RMP64: variants seen among roughly 807,000 people sequenced by gnomAD.
RMP64 encodes the protein ribonuclease MRP subunit p64, also known as nucleolus and neural progenitor protein.
At chr3:113,008,008 C>T in the RMP64 span, among the ~76,000 whole-genome samples, 1 of 152,192 alleles carries the variant, frequency 6.6e-6, no homozygotes, top group Non-Finnish European at 1.5e-5. Context: ...TACAGCTTTG[C>T]TCTTACAATA....
the RMP64 span, chr3:113,014,866 T>C: frequency 1.3e-5 from 2 of 152,208 alleles, no homozygotes; most frequent in Non-Finnish European, 2.9e-5. Flanking sequence ...TTTTCTCTTT[T>C]GAACCGCAGT....
chr3:113,012,761 A>G, the RMP64 span: 2 of 1,607,682 alleles, frequency 1.2e-6, no homozygotes, highest in South Asian at 1.1e-5. Context: ...CCCAACCATC[A>G]CAAGGTTTAA....
chr3:113,005,597 G>A, the RMP64 span: 6 of 1,613,742 alleles, frequency 3.7e-6, no homozygotes, highest in Non-Finnish European at 4.2e-6. Flanking sequence ...GGTTCCTGAT[G>A]TACTGTTTTT....
the RMP64 span, among the ~76,000 whole-genome samples, chr3:113,016,726 C>G: frequency 6.6e-6 from 1 of 152,122 alleles, no homozygotes; most frequent in Non-Finnish European, 1.5e-5. Context: ...CTACCTTTTT[C>G]ACTCCTCTAT....
chr3:113,016,959 T>C, the RMP64 span, among the ~76,000 whole-genome samples: 1 of 152,230 alleles, frequency 6.6e-6, no homozygotes, highest in Non-Finnish European at 1.5e-5. Context: ...AAACATTACA[T>C]GAAACCAGTT....
chr3:113,013,439 TA>T, the RMP64 span: 1,176 of 1,409,786 alleles, frequency 8.3e-4, no homozygotes, highest in East Asian at 9.8e-4. Flanking sequence ...TACTTTCACT[TA>T]AAAAAAAAGG....
chr3:113,019,180 C>A, the RMP64 span: 1 of 269,324 alleles, frequency 3.7e-6, no homozygotes, highest in Non-Finnish European at 7.1e-6. Flanking sequence ...GGGAAATGGA[C>A]GGAAGGGTAA....
chr3:113,017,645 A>C, the RMP64 span: 1 of 1,548,262 alleles, frequency 6.5e-7, no homozygotes, highest in Admixed American at 1.7e-5. Context: ...GTATTTCTAC[A>C]GTAAGTATAT....
At chr3:113,007,436 T>G in the RMP64 span, among the ~76,000 whole-genome samples, 2 of 152,110 alleles carry the variant, frequency 1.3e-5, no homozygotes, top group Non-Finnish European at 2.9e-5. Flanking sequence ...GATAAGAAAT[T>G]ATGGGGCATG....
the RMP64 span, chr3:113,010,492 CTATT>C: frequency 1.6e-6 from 1 of 623,630 alleles, no homozygotes; most frequent in South Asian, 2.0e-5. Context: ...TCCCTTGCCT[CTATT>C]CATTCAGAAG....
At chr3:113,016,438 G>A in the RMP64 span, among the ~76,000 whole-genome samples, 5 of 91,172 alleles carry the variant, frequency 5.5e-5, no homozygotes, top group Non-Finnish European at 1.0e-4. Context: ...GGAGAGCTAC[G>A]TAAGAGAGAG....
the RMP64 span, among the ~76,000 whole-genome samples, chr3:113,009,045 T>C: frequency 1.3e-5 from 2 of 152,184 alleles, no homozygotes; most frequent in Non-Finnish European, 2.9e-5. Context: ...AGGGAAGATA[T>C]GGGGCCCTGC....
chr3:113,013,488 TTTA>T, the RMP64 span: 110 of 1,213,934 alleles, frequency 9.1e-5, no homozygotes, highest in Non-Finnish European at 1.2e-4. Flanking sequence ...CATTTACCAG[TTTA>T]TTATAAAGGA....
At chr3:113,011,380 C>T in the RMP64 span, 2 of 1,594,272 alleles carry the variant, frequency 1.3e-6, no homozygotes, top group Non-Finnish European at 1.7e-6. Flanking sequence ...CAAAATCAAC[C>T]TTTTTAAGAC....
the RMP64 span, chr3:113,005,998 T>C: frequency 6.2e-7 from 1 of 1,605,426 alleles, no homozygotes; most frequent in East Asian, 2.2e-5. Context: ...CTAGTTTCTT[T>C]GGCAAACTTT....
the RMP64 span, chr3:113,005,907 TTC>T: frequency 6.2e-7 from 1 of 1,613,816 alleles, no homozygotes; most frequent in Non-Finnish European, 8.5e-7. Context: ...TTCTGTGATC[TTC>T]TCTGTCTCAG....
chr3:113,008,316 C>G, the RMP64 span: 6 of 1,613,996 alleles, frequency 3.7e-6, no homozygotes. Context: ...AAGGACTCAG[C>G]CTCTCGGAAT....
At chr3:113,009,664 T>TG in the RMP64 span, 1 of 152,346 alleles carries the variant, frequency 6.6e-6, no homozygotes, top group East Asian at 1.9e-4. Context: ...ATTCACTATG[T>TG]GGCCTGGCAG....
the RMP64 span, chr3:113,012,905 G>T: frequency 6.2e-6 from 5 of 802,432 alleles, no homozygotes; most frequent in African/African-American, 3.4e-5. Flanking sequence ...GAAGTAAAGA[G>T]AATTTTCTTA....
Sources: gnomAD v4.1 joint callset for allele counts (sites outside exome capture counted in the v4.1 genomes callset) on GRCh38, gnomAD v4.1.1 for gene constraint, MANE v1.5 for transcripts, NCBI Gene and HGNC (gene_info 2026-07-23, HGNC 2026-07-21) for gene names.